The following SUPT3H variants were observed in gnomAD, a reference collection of about 807,000 sequenced individuals.
The protein encoded by SUPT3H is transcription initiation protein SPT3 homolog.
In SUPT3H, 44 loss-of-function variants were observed where a neutral mutation model predicts 44.3. The observed-to-expected ratio is 0.99, with a 90% confidence interval of 0.78 to 1.28. SUPT3H has a LOEUF of 1.28. Among genes scored for constraint, SUPT3H ranks in the 50% most tolerant of loss-of-function variants. The probability of loss-of-function intolerance (pLI) is 0.00; values close to 1 mark genes in which losing one functional copy is unlikely to be tolerated. For synonymous variants in SUPT3H, 124 were observed against 125.6 expected, an observed-to-expected ratio of 0.99 and a Z score of 0.09; for missense variants, 380 against 387.1, an observed-to-expected ratio of 0.98 and a Z score of 0.15.
At chr6:44,881,481 A>T (rs896224644) in intron 10 of SUPT3H, among the ~76,000 whole-genome samples, 1 of 152,200 alleles carries the variant, frequency 6.6e-6, no homozygotes, top group African/African-American at 2.4e-5. Context: ...CAGATCAACA[A>T]GACAGAAAAT....
At chr6:44,979,864 A>AT (rs1778852261) in intron 6 of SUPT3H, among the ~76,000 whole-genome samples, 2 of 152,298 alleles carry the variant, frequency 1.3e-5, no homozygotes, top group African/African-American at 4.8e-5. Context: ...AGTTCTTTCC[A>AT]TTTACCAAAC....
chr6:45,196,900 C>T (rs1179609970), intron 2 of SUPT3H, among the ~76,000 whole-genome samples: 1 of 150,938 alleles, frequency 6.6e-6, no homozygotes, highest in African/African-American at 2.4e-5. Flanking sequence ...TTTTTAAAAC[C>T]CTGTCTTTAT....
chr6:45,041,338 A>C (rs1042317362), intron 3 of SUPT3H, among the ~76,000 whole-genome samples: 1 of 152,182 alleles, frequency 6.6e-6, no homozygotes, highest in Non-Finnish European at 1.5e-5. Context: ...CCAACGGATT[A>C]AAGGGCTCTG....
At chr6:44,880,262 T>A (rs776832568) in intron 10 of SUPT3H, among the ~76,000 whole-genome samples, 1 of 151,934 alleles carries the variant, frequency 6.6e-6, no homozygotes. Context: ...AAACACAGCA[T>A]GAGAACTTCA....
At chr6:45,174,867 C>A (rs1811430696) in intron 2 of SUPT3H, among the ~76,000 whole-genome samples, 2 of 151,720 alleles carry the variant, frequency 1.3e-5, no homozygotes, top group African/African-American at 4.8e-5. Flanking sequence ...TTTCTCCTTA[C>A]ACATGATTCA....
rs144029670 is a variant in SUPT3H, at chr6:44,942,088, C to T, written c.802-9325G>A. Among the ~76,000 whole-genome samples the T allele has an allele frequency of 4.9e-4, 75 of 151,964 alleles. No individual in the cohort carries two copies. The East Asian group carries it at 7.3e-3, about 15-fold the overall frequency. ...GATCGGGAAGAAATGTTTAAATATA[C>T]GGAGAAAAATGTAAAGAATTTCTAA... On this transcript the variant is annotated intron_variant, in intron 9 of 10. Transcript: ENST00000371459.
intron 9 of SUPT3H, among the ~76,000 whole-genome samples, chr6:44,937,900 C>CTTTTTTTT (rs746279156): frequency 1.7e-5 from 1 of 59,060 alleles, no homozygotes; most frequent in African/African-American, 7.5e-5. Context: ...TGCTCACTAT[C>CTTTTTTTT]TTTTTTTTTT....
chr6:45,110,569 TAA>T (rs58655964), intron 2 of SUPT3H, among the ~76,000 whole-genome samples: 19 of 149,734 alleles, frequency 1.3e-4, no homozygotes, highest in African/African-American at 2.9e-4. Flanking sequence ...CAGCTTTTTT[TAA>T]AAAAAAAAAA....
chr6:44,980,877 C>T (rs1261762139), intron 6 of SUPT3H, among the ~76,000 whole-genome samples: 1 of 152,164 alleles, frequency 6.6e-6, no homozygotes, highest in Non-Finnish European at 1.5e-5. Flanking sequence ...ATAACCATGT[C>T]TAATAACTGT....
intron 2 of SUPT3H, among the ~76,000 whole-genome samples, chr6:45,227,919 T>C (rs1326439070): frequency 6.6e-6 from 1 of 151,742 alleles, no homozygotes; most frequent in East Asian, 1.9e-4. Context: ...TAAAACAAAA[T>C]GAAACTTTTA....
intron 2 of SUPT3H, among the ~76,000 whole-genome samples, chr6:45,195,186 CTATGA>C (rs1815809730): frequency 6.6e-6 from 1 of 152,032 alleles, no homozygotes; most frequent in Admixed American, 6.6e-5. Context: ...CCAAGTGATG[CTATGA>C]TATATTATAC....
At chr6:45,034,118 A>G (rs1463109209) in intron 3 of SUPT3H, among the ~76,000 whole-genome samples, 1 of 152,144 alleles carries the variant, frequency 6.6e-6, no homozygotes, top group African/African-American at 2.4e-5. Context: ...GGAAATGACC[A>G]GGGAGATTGT....
At chr6:45,185,318 G>A (rs899143439) in intron 2 of SUPT3H, among the ~76,000 whole-genome samples, 1 of 152,148 alleles carries the variant, frequency 6.6e-6, no homozygotes, top group Non-Finnish European at 1.5e-5. Context: ...CTGTACAAGT[G>A]GGGGCTAATT....
chr6:45,230,840 T>C (rs1767902271), intron 2 of SUPT3H, among the ~76,000 whole-genome samples: 1 of 151,270 alleles, frequency 6.6e-6, no homozygotes, highest in Non-Finnish European at 1.5e-5. Context: ...GCCTGGCTAA[T>C]TTTTTGTATT....
At chr6:45,289,788 T>A (rs1295825169) in intron 2 of SUPT3H, among the ~76,000 whole-genome samples, 1 of 152,220 alleles carries the variant, frequency 6.6e-6, no homozygotes, top group Admixed American at 6.5e-5. Context: ...CTAAATATGC[T>A]TGCTGTTTAG....
At chr6:44,941,358 TG>T (rs1300546705) in intron 9 of SUPT3H, among the ~76,000 whole-genome samples, 1 of 152,128 alleles carries the variant, frequency 6.6e-6, no homozygotes, top group Non-Finnish European at 1.5e-5. Context: ...TTTGCTTACC[TG>T]GGAAAAGCTA....
Position 45,209,200 on chromosome 6 carries a change from T to G in SUPT3H, c.102-103194A>C, listed in dbSNP as rs539080030. Among the ~76,000 whole-genome samples the G allele has an allele frequency of 9.8e-5, 15 of 152,330 alleles. 1 individual carries two copies. The South Asian group carries it at 3.1e-3, about 32-fold the overall frequency. On this transcript the variant is annotated intron_variant, in intron 2 of 10. Coordinates refer to ENST00000371459, the MANE Select transcript of SUPT3H (RefSeq NM_003599.4). ...AGGAGATGAATGTTGTTTTCATGCC[T>G]GCTAGCACAACATCCATTCTGCAGC...
rs1794940923 is a variant in SUPT3H at position 45,365,318 on chromosome 6, A to C, written c.1-17T>G. 1 of 1,565,552 alleles carries C rather than the reference A, an allele frequency of 6.4e-7. No individual in the cohort carries two copies. Among genetic ancestry groups the C allele is most frequent in the South Asian group, 1.1e-5 (1 of 88,642 alleles). The stretch of plus-strand genomic sequence containing the variant: ...ATTATTCATCTAAATAAAAAGGAGA[A>C]ATAAAGCTTACAAAATGTACCTAGC... On this transcript the variant is annotated splice_polypyrimidine_tract_variant and intron_variant, in intron 1 of 10. Coordinates refer to ENST00000371459, the MANE Select transcript of SUPT3H (RefSeq NM_003599.4).
intron 3 of SUPT3H, among the ~76,000 whole-genome samples, chr6:45,040,813 T>C (rs1332950716): frequency 6.6e-6 from 1 of 152,172 alleles, no homozygotes; most frequent in Non-Finnish European, 1.5e-5. Context: ...ATGTCACAAG[T>C]TTTTAACTTG....
Sources: allele counts gnomAD v4.1 joint callset (sites outside exome capture counted in the v4.1 genomes callset), GRCh38; gene constraint gnomAD v4.1.1; transcripts MANE v1.5; gene names NCBI Gene and HGNC (gene_info 2026-07-23, HGNC 2026-07-21).